Variants in PRSS23 observed in about 807,000 individuals in gnomAD.
PRSS23 encodes the protein protease, serine 23.
PRSS23 carries 25 observed loss-of-function variants against 34.7 expected under a neutral mutation model. The ratio of observed to expected loss-of-function variants is 0.72; its 90% CI spans 0.53 to 1.01. The LOEUF (loss-of-function observed/expected upper bound fraction) is 1.01. Among genes scored for constraint, PRSS23 ranks in the 50% least tolerant of loss-of-function variants. The probability of loss-of-function intolerance (pLI) is 0.00; values close to 1 mark genes in which losing one functional copy is unlikely to be tolerated. For synonymous variants in PRSS23, 176 were observed against 186.6 expected (o/e 0.94, Z 0.46); for missense variants, 445 against 475.6 (o/e 0.94, Z 0.60).
chr11:86,949,085 C>T (rs1295839682), intron 2 of PRSS23: 2 of 152,234 alleles, frequency 1.3e-5, no homozygotes, highest in Admixed American at 1.3e-4. Flanking sequence ...GATCAATTCT[C>T]ATGCTCCTGG....
At chr11:86,916,736 G>A (rs1043796735) in intron 2 of PRSS23, among the ~76,000 whole-genome samples, 2 of 152,004 alleles carry the variant, frequency 1.3e-5, no homozygotes, top group Admixed American at 6.6e-5. Flanking sequence ...GAATGTGTAG[G>A]GGCCTCCCAG....
chr11:86,818,612 C>G (rs1020610502), intron 1 of PRSS23, among the ~76,000 whole-genome samples: 3 of 152,188 alleles, frequency 2.0e-5, no homozygotes, highest in African/African-American at 7.2e-5. Flanking sequence ...AAATCTTTCC[C>G]CGAGGCATCT....
chr11:86,912,389 A>G (rs1490782262), intron 2 of PRSS23, among the ~76,000 whole-genome samples: 1 of 104,066 alleles, frequency 9.6e-6, no homozygotes, highest in Non-Finnish European at 2.0e-5. Flanking sequence ...TCTAGCTTCT[A>G]GTCTTTGGGA....
In PRSS23 at chr11:86,863,979, G is replaced by A. The variant is rs947653025; in HGVS notation, c.206+40386G>A. On this transcript the variant is annotated intron_variant, in intron 2 of 2. Coordinates refer to the PRSS23 transcript ENST00000533902. ...TCACTTGGGACCCCATGTCCATGAC[G>A]AGTTTTTAAAATGTGTAATCATATA... 5.9e-5 allele frequency among the ~76,000 whole-genome samples: 9 copies of A among 152,182 alleles called. No individual in the cohort carries two copies. In the South Asian group the frequency reaches 6.2e-4, roughly 11 times the overall value.
At chr11:86,898,606 C>T (rs1448214505) in intron 2 of PRSS23, among the ~76,000 whole-genome samples, 1 of 152,188 alleles carries the variant, frequency 6.6e-6, no homozygotes, top group African/African-American at 2.4e-5. Flanking sequence ...GCTGTTGTTC[C>T]TTCATGGGTC....
downstream of PRSS23, among the ~76,000 whole-genome samples, chr11:86,812,171 A>T (rs1948183210): frequency 6.6e-6 from 1 of 152,194 alleles, no homozygotes; most frequent in Non-Finnish European, 1.5e-5. Flanking sequence ...ATGTTTGGTC[A>T]CTTAATTATT....
intron 2 of PRSS23, among the ~76,000 whole-genome samples, chr11:86,850,201 A>T (rs1948518630): frequency 6.6e-6 from 1 of 152,190 alleles, no homozygotes; most frequent in Non-Finnish European, 1.5e-5. Flanking sequence ...TCAAGCTACA[A>T]ATGGTCTTAC....
At chr11:86,803,354 G>C (rs1025125235) in intron 1 of PRSS23, among the ~76,000 whole-genome samples, 39 of 152,158 alleles carry the variant, frequency 2.6e-4, no homozygotes, top group Non-Finnish European at 8.8e-5. Context: ...ACCTTTCCAG[G>C]TGTGGGATTA....
chr11:86,843,690 G>C (rs1948465341), intron 2 of PRSS23, among the ~76,000 whole-genome samples: 1 of 152,180 alleles, frequency 6.6e-6, no homozygotes, highest in East Asian at 1.9e-4. Flanking sequence ...TGTCATCAGA[G>C]AAATGCAAAT....
At position 86,809,294 on chromosome 11, in the gene PRSS23, G is replaced by A. The variant is rs576333161; in HGVS notation, c.*499G>A. 1 of 167,244 alleles carries A rather than the reference G, an allele frequency of 6.0e-6. No homozygotes were observed. The highest frequency in any genetic ancestry group is 1.5e-5 in the Non-Finnish European group (1 of 68,480). The allele number at this position is 167,244 out of a possible 1,614,324, so 10.4% of individuals were successfully genotyped here. A position where few individuals can be genotyped will look rare whatever the true frequency, so the allele number is the denominator to read the frequency against. ...TTCCATAAGGCAGTGTTCCCATTTA[G>A]GAACTTTGACAGCATTTGTTAGGCA... On this transcript the variant is annotated 3_prime_UTR_variant, in exon 2 of 2. Transcript: ENST00000280258.
intron 2 of PRSS23, among the ~76,000 whole-genome samples, chr11:86,880,083 T>A (rs1055403797): frequency 6.6e-6 from 1 of 151,944 alleles, no homozygotes; most frequent in African/African-American, 2.4e-5. Context: ...GGGAGACTTT[T>A]CATTTTGTTC....
chr11:86,920,942 T>C (rs1276542437), intron 2 of PRSS23, among the ~76,000 whole-genome samples: 1 of 152,218 alleles, frequency 6.6e-6, no homozygotes, highest in African/African-American at 2.4e-5. Context: ...CTCAGCGCCA[T>C]TTGCTACAGT....
At chr11:86,853,449 T>G (rs1948545729) in intron 2 of PRSS23, among the ~76,000 whole-genome samples, 1 of 151,530 alleles carries the variant, frequency 6.6e-6, no homozygotes, top group African/African-American at 2.4e-5. Context: ...GAGACAGGGT[T>G]TCACCGTTTT....
chr11:86,905,292 A>G lies in PRSS23; in HGVS notation c.207-45924A>G, dbSNP rs530927077. Among the ~76,000 whole-genome samples, 25 of 152,314 alleles carry G rather than the reference A, an allele frequency of 1.6e-4. No homozygotes were observed. In the South Asian group the frequency reaches 4.8e-3, roughly 29 times the overall value. The stretch of plus-strand genomic sequence containing the variant: ...AACAATGCTGGAAAATTGGAATAAT[A>G]ATCTCTTTCTGGCTATTCCACAGGG... On this transcript the variant is annotated intron_variant, in intron 2 of 2. Coordinates refer to the PRSS23 transcript ENST00000533902.
chr11:86,931,890 G>A (rs1949128562), intron 2 of PRSS23, among the ~76,000 whole-genome samples: 2 of 152,128 alleles, frequency 1.3e-5, no homozygotes, highest in Non-Finnish European at 2.9e-5. Flanking sequence ...AATAATCCAG[G>A]AGAAGGGTGA....
At chr11:86,934,850 C>T (rs888154808) in intron 2 of PRSS23, 2 of 152,246 alleles carry the variant, frequency 1.3e-5, no homozygotes, top group African/African-American at 4.8e-5. Flanking sequence ...GGATCCTAAA[C>T]TATCCCTGAA....
chr11:86,844,477 G>T (rs1254593562), intron 2 of PRSS23, among the ~76,000 whole-genome samples: 2 of 152,144 alleles, frequency 1.3e-5, no homozygotes, highest in Non-Finnish European at 2.9e-5. Flanking sequence ...GTGCAATACA[G>T]CTGTCAATGA....
intron 2 of PRSS23, among the ~76,000 whole-genome samples, chr11:86,830,972 G>C (rs183867179): frequency 1.3e-5 from 2 of 151,992 alleles, no homozygotes; most frequent in African/African-American, 4.8e-5. Context: ...TGTGCTACAC[G>C]GATGTTACTC....
At chr11:86,927,941 C>CAA (rs757273991) in intron 2 of PRSS23, among the ~76,000 whole-genome samples, 1 of 134,036 alleles carries the variant, frequency 7.5e-6, no homozygotes. Context: ...AACTCCGTCT[C>CAA]AAAAAAAAAA....
Sources: gnomAD v4.1 joint callset for allele counts (sites outside exome capture counted in the v4.1 genomes callset) on GRCh38, gnomAD v4.1.1 for gene constraint, MANE v1.5 for transcripts, NCBI Gene and HGNC (gene_info 2026-07-23, HGNC 2026-07-21) for gene names.